Variants in SH2B3 observed in about 807,000 individuals in gnomAD.
SH2B3 encodes the protein SH2B adaptor protein 3, also known as SH2B adapter protein 3.
In SH2B3, 43 loss-of-function variants were observed where a neutral mutation model predicts 51.9. That is an observed-to-expected ratio of 0.83 (90% CI 0.65 to 1.07). The LOEUF (loss-of-function observed/expected upper bound fraction) is 1.07. SH2B3 is among the 50% of genes least tolerant of loss of function. SH2B3 has a pLI of 0.00. For missense variants in SH2B3, 952 were observed against 834.3 expected, an observed-to-expected ratio of 1.14 and a Z score of -1.74; for synonymous variants, 396 against 376.0, an observed-to-expected ratio of 1.05 and a Z score of -0.62.
intron 2 of SH2B3, chr12:111,434,869 T>C (rs1265488051): frequency 1.3e-6 from 2 of 1,530,948 alleles, no homozygotes; most frequent in Non-Finnish European, 1.8e-6. Flanking sequence ...ATGATAGTAA[T>C]GAGAGTCCGT....
intron 1 of SH2B3, among the ~76,000 whole-genome samples, chr12:111,412,351 C>T (rs1050742072): frequency 2.4e-4 from 37 of 152,312 alleles, no homozygotes; most frequent in Admixed American, 5.2e-4. Flanking sequence ...GGGCTGGCAA[C>T]TTCCTGCCCG....
At chr12:111,426,399 T>G (rs1409346794) in intron 2 of SH2B3, among the ~76,000 whole-genome samples, 49 of 149,030 alleles carry the variant, frequency 3.3e-4, no homozygotes, top group Non-Finnish European at 5.2e-4. Flanking sequence ...TTTTTTTTTT[T>G]TTTGTTAAGA....
rs934081843 is a variant in SH2B3, at chr12:111,418,802, C to T, written c.657C>T (p.Arg219=). 7 of 1,446,912 alleles carry T rather than the reference C, an allele frequency of 4.8e-6. No individual in the cohort carries two copies. The highest frequency in any genetic ancestry group is 2.5e-4 in the Middle Eastern group (1 of 4,078). The allele number at this position is 1,446,912 out of a possible 1,614,324, so 89.6% of individuals were successfully genotyped here. The change falls in exon 2 of 8, where the codon CGC becomes CGT. Residue 219 remains arginine, a synonymous_variant. Transcript: ENST00000341259. The surrounding 1 kb of genome is among the most constrained non-coding windows in gnomAD (Gnocchi z 6.7). ...ASMDSGARWQ[R]GRLALRRAPG... Reference sequence around the variant, plus strand: ...TGGACAGCGGGGCACGCTGGCAGCGCGGGAGGCTGGCGCTGCGCCGGGCCC... The same window carrying T: ...TGGACAGCGGGGCACGCTGGCAGCGTGGGAGGCTGGCGCTGCGCCGGGCCC...
chr12:111,445,020 G>A (rs2135605791), intron 2 of SH2B3, among the ~76,000 whole-genome samples: 1 of 152,328 alleles, frequency 6.6e-6, no homozygotes, highest in South Asian at 2.1e-4. Flanking sequence ...TGTGGGTGAG[G>A]AGGGGAATCC....
In SH2B3 at chr12:111,451,236, A is replaced by G. The variant is rs752474941; in HGVS notation, c.*2934A>G. The G allele has an allele frequency of 6.5e-6, 1 of 152,682 alleles. No individual in the cohort carries two copies. Among genetic ancestry groups the G allele is most frequent in the Admixed American group, 6.5e-5 (1 of 15,288 alleles). 9.5% of individuals were successfully genotyped at this position (152,682 alleles called of 1,614,324 possible). On this transcript the variant is annotated 3_prime_UTR_variant, in exon 8 of 8. Transcript: ENST00000341259. ...ATAGCAATCATTAAAATCTTGGGCCAGAGAACACTATTTTTACATAACAGT... is the reference window on the plus strand; with the variant it reads ...ATAGCAATCATTAAAATCTTGGGCCGGAGAACACTATTTTTACATAACAGT...
chr12:111,422,915 T>G (rs969797728), intron 2 of SH2B3, among the ~76,000 whole-genome samples: 1 of 152,166 alleles, frequency 6.6e-6, no homozygotes, highest in African/African-American at 2.4e-5. Flanking sequence ...CAGGCTGGTC[T>G]TGAACTCCTG....
At chr12:111,432,032 AAGCTTC>A (rs1313982183) in intron 2 of SH2B3, among the ~76,000 whole-genome samples, 2 of 152,122 alleles carry the variant, frequency 1.3e-5, no homozygotes, top group African/African-American at 4.8e-5. Flanking sequence ...TTGTGGACAA[AAGCTTC>A]AGCCTTTGCG....
At chr12:111,440,167 A>G (rs1425176322) in intron 2 of SH2B3, among the ~76,000 whole-genome samples, 1 of 152,220 alleles carries the variant, frequency 6.6e-6, no homozygotes, top group Non-Finnish European at 1.5e-5. Context: ...CCTGTGCCAG[A>G]AGGTCATAGA....
chr12:111,421,051 C>T (rs1871510625), intron 2 of SH2B3, among the ~76,000 whole-genome samples: 1 of 152,196 alleles, frequency 6.6e-6, no homozygotes, highest in Non-Finnish European at 1.5e-5. Context: ...GCCCTGTACC[C>T]CCATACATAC....
At chr12:111,440,049 C>G (rs1018006146) in intron 2 of SH2B3, among the ~76,000 whole-genome samples, 12 of 152,254 alleles carry the variant, frequency 7.9e-5, no homozygotes, top group African/African-American at 2.7e-4. Context: ...GCCTCCCTGC[C>G]CAGCTCTCTT....
At chr12:111,415,933 G>GTATTTATT (rs751252480) in intron 1 of SH2B3, among the ~76,000 whole-genome samples, 16 of 150,926 alleles carry the variant, frequency 1.1e-4, no homozygotes, top group South Asian at 2.1e-4. Flanking sequence ...ATTTATTTAT[G>GTATTTATT]TATTTATTTA....
At chr12:111,446,662 G>A (rs1044796510) in intron 2 of SH2B3, 91 bp from the exon 3 acceptor site, 1 of 682,380 alleles carries the variant, frequency 1.5e-6, no homozygotes, top group Non-Finnish European at 2.5e-6. Context: ...TCTAAAAGGG[G>A]GACTCCTGGG....
rs962152600 is a variant in SH2B3, at chr12:111,407,117, T to G, written c.-28+840T>G. The stretch of plus-strand genomic sequence containing the variant: ...ATTTGAGGAACTGGAGAGGAGGGTC[T>G]GCCTGCCTGTCCCGCTTCTTTTTTT... On this transcript the variant is annotated intron_variant, in intron 1 of 7. Coordinates refer to ENST00000341259, the MANE Select transcript of SH2B3 (RefSeq NM_005475.3). The surrounding 1 kb of genome is among the most constrained non-coding windows in gnomAD (Gnocchi z 4.3). 1.3e-5 allele frequency among the ~76,000 whole-genome samples: 2 copies of G among 152,210 alleles called. No individual in the cohort carries two copies. Among genetic ancestry groups the G allele is most frequent in the Admixed American group, 1.3e-4 (2 of 15,284 alleles).
At chr12:111,422,655 G>C (rs1396525622) in intron 2 of SH2B3, among the ~76,000 whole-genome samples, 1 of 151,768 alleles carries the variant, frequency 6.6e-6, no homozygotes, top group Non-Finnish European at 1.5e-5. Flanking sequence ...CTGCCTCCTG[G>C]GTTCAAGTGA....
chr12:111,436,576 C>T (rs1228559448), intron 2 of SH2B3, among the ~76,000 whole-genome samples: 1 of 151,844 alleles, frequency 6.6e-6, no homozygotes, highest in Admixed American at 6.5e-5. Context: ...GAGGAGGGGA[C>T]CATGTTGCTG....
Position 111,449,200 on chromosome 12 carries a change from T to C in SH2B3, c.*898T>C, listed in dbSNP as rs568475255. The C allele has an allele frequency of 6.5e-6, 1 of 152,714 alleles. No homozygotes were observed. The highest frequency in any genetic ancestry group is 1.9e-4 in the East Asian group (1 of 5,184). 9.5% of individuals were successfully genotyped at this position (152,714 alleles called of 1,614,324 possible). On this transcript the variant is annotated 3_prime_UTR_variant, in exon 8 of 8. Transcript: ENST00000341259. ...TTACGAATAAAAAACTGGATTCTGG[T>C]TTACAGCAGCTTTACAGTGATAGTT...
In SH2B3 at chr12:111,447,959, GTC is replaced by G. The variant is rs764084497; in HGVS notation, c.1409-18_1409-17del. The G allele has an allele frequency of 1.0e-3, 1,645 of 1,576,860 alleles. 1 individual carries two copies. Among genetic ancestry groups the G allele is most frequent in the Non-Finnish European group, 1.4e-3 (1,560 of 1,153,680 alleles). ...CACTTGCCTCAAGACTGATGGTGTG[GTC>G]TCTCTTGGTCACTTGTCCTAGGTTC... On this transcript the variant is annotated intron_variant, in intron 7 of 7. Transcript: ENST00000341259.
chr12:111,418,360 A>G lies in SH2B3; in HGVS notation c.215A>G (p.Gln72Arg). The G allele has an allele frequency of 1.3e-6, 2 of 1,521,026 alleles. No homozygotes were observed. The highest frequency in any genetic ancestry group is 1.8e-6 in the Non-Finnish European group (2 of 1,140,114). The allele number at this position is 1,521,026 out of a possible 1,614,324, so 94.2% of individuals were successfully genotyped here. ...LVSLQFTDLF[Q>R]RYFCREVRDG... ...TCGCTGCAGTTCACCGACCTCTTCC[A>G]GCGCTACTTCTGCCGCGAGGTGCGC... Residue 72 changes from glutamine to arginine, a missense_variant, in exon 2 of 8, where the codon CAG becomes CGG. Gln to Arg is a conservative substitution (Grantham distance 43, BLOSUM62 1). Transcript: ENST00000341259. This position sits in a 1 kb window ranked among gnomAD's most constrained non-coding sequence, Gnocchi z 6.7.
rs1593060759 is a variant in SH2B3 at position 111,435,133 on chromosome 12, TG to T, written c.733-11619del. ...CCCGAGACGGGCGACAGAGGTTTTTTGTTGTTTCTTAACCACATCTTTTTCC... is the reference window on the plus strand; with the variant it reads ...CCCGAGACGGGCGACAGAGGTTTTTTTTGTTTCTTAACCACATCTTTTTCC... On this transcript the variant is annotated intron_variant, in intron 2 of 7. Coordinates refer to ENST00000341259, the MANE Select transcript of SH2B3 (RefSeq NM_005475.3). This position sits in a 1 kb window ranked among gnomAD's most constrained non-coding sequence, Gnocchi z 4.8. 2 of 921,888 alleles carry T rather than the reference TG, an allele frequency of 2.2e-6. No homozygotes were observed. The highest frequency in any genetic ancestry group is 3.2e-6 in the Non-Finnish European group (2 of 619,438). The allele number at this position is 921,888 out of a possible 1,614,324, so 57.1% of individuals were successfully genotyped here.
Sources: gnomAD v4.1 joint callset for allele counts (sites outside exome capture counted in the v4.1 genomes callset) on GRCh38, gnomAD v4.1.1 for gene constraint, Gnocchi (gnomAD v3.1) non-coding constraint, MANE v1.5 for transcripts, NCBI Gene and HGNC (gene_info 2026-07-23, HGNC 2026-07-21) for gene names.